The following LAMC2 variants were observed in gnomAD, a reference collection of about 807,000 sequenced individuals.
LAMC2 encodes the protein laminin subunit gamma-2.
A neutral mutation model predicts 140.2 loss-of-function variants in LAMC2; 97 were observed. The observed-to-expected ratio is 0.69, with a 90% CI of 0.59 to 0.82. LAMC2 has a LOEUF of 0.82. LAMC2 is among the 40% of genes least tolerant of loss of function. The pLI, the probability that LAMC2 is intolerant of heterozygous loss-of-function variation, is 0.00. For missense variants in LAMC2, 1,402 were observed against 1,476.1 expected (o/e 0.95, Z 0.82); for synonymous variants, 513 against 540.2 (o/e 0.95, Z 0.70).
the LAMC2 span, chr1:183,252,418 C>T: frequency 2.0e-6 from 1 of 493,444 alleles, no homozygotes. Flanking sequence ...CACCCCATTC[C>T]CTCACCCACC....
At chr1:183,231,925 C>A (rs1055224684) in intron 12 of LAMC2, among the ~76,000 whole-genome samples, 3 of 152,170 alleles carry the variant, frequency 2.0e-5, no homozygotes, top group Non-Finnish European at 4.4e-5. Context: ...CAAGTAATAA[C>A]TTTAGGAGAC....
At position 183,244,222 on chromosome 1, in the gene LAMC2, C is replaced by A. The variant is rs1660196146; in HGVS notation, c.*822C>A. 6.6e-6 allele frequency: 1 copy of A among 152,226 alleles called. No homozygotes were observed. The highest frequency in any genetic ancestry group is 2.4e-5 in the African/African-American group (1 of 41,456). The allele number at this position is 152,226 out of a possible 1,614,324, so 9.4% of individuals were successfully genotyped here. ...TGGGCATTGAAAGAGGTAAAATTCT[C>A]TAGATTTATTAGTCCTAATTCAATC... is the stretch of plus-strand genomic sequence containing the variant. On this transcript the variant is annotated 3_prime_UTR_variant, in exon 23 of 23. Transcript: ENST00000264144.
the LAMC2 span, among the ~76,000 whole-genome samples, chr1:183,254,723 C>T: frequency 6.6e-6 from 1 of 152,218 alleles, no homozygotes; most frequent in African/African-American, 2.4e-5. Context: ...AGGTATGAGC[C>T]ATCACACTGT....
rs369546779 is a variant in LAMC2 at position 183,219,729 on chromosome 1, C to T, written c.504-1096C>T. On this transcript the variant is annotated intron_variant, in intron 4 of 22. Coordinates refer to ENST00000264144, the MANE Select transcript of LAMC2 (RefSeq NM_005562.3). ...TTAACTCTTGCTCTTAGAGAAAAAACAAAGCTTGTTTAGTTACAACTGTTC... is the reference window on the plus strand; with the variant it reads ...TTAACTCTTGCTCTTAGAGAAAAAATAAAGCTTGTTTAGTTACAACTGTTC... 5.3e-5 allele frequency among the ~76,000 whole-genome samples: 8 copies of T among 152,226 alleles called. No individual in the cohort carries two copies. In the East Asian group the frequency reaches 1.5e-3, roughly 29 times the overall value.
downstream of LAMC2, among the ~76,000 whole-genome samples, chr1:183,245,380 G>A (rs1027450379): frequency 1.3e-5 from 2 of 152,184 alleles, no homozygotes; most frequent in African/African-American, 4.8e-5. Flanking sequence ...AAATGAATTT[G>A]TAATCCTGTC....
intron 8 of LAMC2, among the ~76,000 whole-genome samples, chr1:183,226,139 C>CTTTTTT (rs76667253): frequency 7.3e-6 from 1 of 136,208 alleles, no homozygotes; most frequent in African/African-American, 2.8e-5. Context: ...CTATTAATTC[C>CTTTTTT]TTTTTTTTTT....
In LAMC2 at chr1:183,226,815, A is replaced by T; in HGVS notation, c.1184A>T (p.Asp395Val). The change falls in exon 9 of 23, where the codon GAT becomes GTT. Residue 395 changes from aspartate to valine, a missense_variant. Asp to Val is a radical substitution (Grantham distance 152, BLOSUM62 -3). Around this residue, in one of 3 missense-constraint regions of LAMC2, gnomAD observed 723 missense variants for 783.3 expected, o/e 0.92. Coordinates refer to ENST00000264144, the MANE Select transcript of LAMC2 (RefSeq NM_005562.3). The part of the protein sequence containing the change: ...PVGYKGQFCQ[D>V]CASGYKRDSA... ...GGGTACAAGGGGCAATTCTGCCAGGATTGTGCTTCTGGCTACAAGAGAGAT... is the reference window on the plus strand; with the variant it reads ...GGGTACAAGGGGCAATTCTGCCAGGTTTGTGCTTCTGGCTACAAGAGAGAT... 4.3e-6 allele frequency: 7 copies of T among 1,614,172 alleles called. No homozygotes were observed. The highest frequency in any genetic ancestry group is 5.1e-6 in the Non-Finnish European group (6 of 1,180,038).
intron 1 of LAMC2, among the ~76,000 whole-genome samples, chr1:183,193,973 C>G (rs1658430679): frequency 1.3e-5 from 2 of 152,160 alleles, no homozygotes; most frequent in African/African-American, 4.8e-5. Context: ...GTCTCCCTCT[C>G]TCACCCAGGC....
At chr1:183,236,227 TA>T (rs956572360) in intron 16 of LAMC2, among the ~76,000 whole-genome samples, 12 of 149,118 alleles carry the variant, frequency 8.0e-5, no homozygotes, top group African/African-American at 1.7e-4. Context: ...TTGCTTTTGT[TA>T]AAAAAAAAGG....
intron 1 of LAMC2, 143 bp downstream of exon 1, chr1:183,186,574 G>GA: frequency 1.3e-6 from 1 of 782,182 alleles, no homozygotes; most frequent in Non-Finnish European, 1.9e-6. Context: ...CCCCTATCTG[G>GA]GGCTCCTCCA....
At chr1:183,222,262 G>A (rs1659499166) in intron 6 of LAMC2, 51 bp downstream of exon 6, 1 of 1,589,280 alleles carries the variant, frequency 6.3e-7, no homozygotes, top group Non-Finnish European at 8.6e-7. Context: ...GGACTAGGAA[G>A]TCAAGATAGA....
At chr1:183,254,347 G>A in the LAMC2 span, among the ~76,000 whole-genome samples, 31 of 152,148 alleles carry the variant, frequency 2.0e-4, no homozygotes, top group Middle Eastern at 3.4e-3. Flanking sequence ...GTAATGTTGC[G>A]CATCTTTTTA....
At chr1:183,254,878 T>C in the LAMC2 span, among the ~76,000 whole-genome samples, 1 of 152,248 alleles carries the variant, frequency 6.6e-6, no homozygotes, top group Admixed American at 6.5e-5. Context: ...CCTTTTCATT[T>C]TGTTGGTTGT....
chr1:183,256,854 T>G, the LAMC2 span, among the ~76,000 whole-genome samples: 1 of 152,086 alleles, frequency 6.6e-6, no homozygotes, highest in African/African-American at 2.4e-5. Context: ...TGGGTTCAAG[T>G]GATTCTTCTG....
At chr1:183,230,892 G>T in intron 11 of LAMC2, 69 bp from the exon 12 acceptor site, 5 of 1,572,508 alleles carry the variant, frequency 3.2e-6, no homozygotes, top group Non-Finnish European at 4.4e-6. Context: ...CTCCTTCCTT[G>T]TATCTTTGCT....
intron 2 of LAMC2, among the ~76,000 whole-genome samples, chr1:183,213,454 G>A (rs1338472124): frequency 1.6e-4 from 24 of 152,114 alleles, no homozygotes; most frequent in Admixed American, 1.2e-3. Context: ...AACATGTAGC[G>A]ACTGGTCAAT....
chr1:183,203,272 T>G (rs1658778638), intron 1 of LAMC2, among the ~76,000 whole-genome samples: 1 of 152,204 alleles, frequency 6.6e-6, no homozygotes, highest in Admixed American at 6.5e-5. Context: ...TCTTACGCCC[T>G]TTGGGCAGAA....
At chr1:183,223,825 AAG>A (rs1659547458) in intron 7 of LAMC2, among the ~76,000 whole-genome samples, 2 of 152,244 alleles carry the variant, frequency 1.3e-5, no homozygotes, top group South Asian at 2.1e-4. Flanking sequence ...AGGTAGGAGA[AAG>A]AGGTGGGAGT....
At chr1:183,238,258 C>A in intron 18 of LAMC2, 49 bp from the exon 19 acceptor site, 1 of 1,346,726 alleles carries the variant, frequency 7.4e-7, no homozygotes, top group Non-Finnish European at 1.1e-6. Flanking sequence ...AGTGATTTTG[C>A]CAGCAGGAAT....
Sources: gnomAD v4.1 joint callset for allele counts (sites outside exome capture counted in the v4.1 genomes callset) on GRCh38, gnomAD v4.1.1 for gene constraint, gnomAD v4.1.1 regional missense constraint, MANE v1.5 for transcripts, NCBI Gene and HGNC (gene_info 2026-07-23, HGNC 2026-07-21) for gene names.